HECW1: variants seen among roughly 807,000 people sequenced by gnomAD.
The protein encoded by HECW1 is HECT, C2 and WW domain containing E3 ubiquitin protein ligase 1.
Under a neutral mutation model 182.3 loss-of-function variants are expected in HECW1, and 61 were observed. The observed-to-expected ratio is 0.33, with a 90% CI of 0.27 to 0.41. The LOEUF (loss-of-function observed/expected upper bound fraction) is 0.41. Ranked by LOEUF, HECW1 falls within the 10% of genes least tolerant of loss-of-function variation. The pLI is 1.00. For missense variants in HECW1, 1,739 were observed against 2,108.9 expected (o/e 0.82, Z 3.44); for synonymous variants, 859 against 832.6 (o/e 1.03, Z -0.55).
chr7:43,424,734 A>G (rs1321915758), intron 8 of HECW1, among the ~76,000 whole-genome samples: 1 of 152,206 alleles, frequency 6.6e-6, no homozygotes, highest in Non-Finnish European at 1.5e-5. Flanking sequence ...ATTACTTTAA[A>G]TTGCAATTTT....
chr7:43,373,780 C>T (rs1010740116), intron 6 of HECW1, among the ~76,000 whole-genome samples: 3 of 152,180 alleles, frequency 2.0e-5, no homozygotes, highest in Non-Finnish European at 4.4e-5. Flanking sequence ...CCCCACTAAA[C>T]ACCAGCTCCT....
chr7:43,120,646 A>ATTTG (rs1018020414), intron 2 of HECW1, among the ~76,000 whole-genome samples: 3 of 151,620 alleles, frequency 2.0e-5, no homozygotes, highest in African/African-American at 4.8e-5. Flanking sequence ...TTATTTATTT[A>ATTTG]TTTGTTTTAT....
At chr7:43,329,029 A>C (rs1324240938) in intron 5 of HECW1, among the ~76,000 whole-genome samples, 2 of 152,140 alleles carry the variant, frequency 1.3e-5, no homozygotes, top group Non-Finnish European at 2.9e-5. Context: ...CTGGCATTAC[A>C]CTGGGGAGAC....
In HECW1 at chr7:43,135,682, A is replaced by G. The variant is rs1787447611; in HGVS notation, c.-32+21291A>G. Among the ~76,000 whole-genome samples, 3 of 152,064 alleles carry G rather than the reference A, an allele frequency of 2.0e-5. No individual in the cohort carries two copies. In the East Asian group the frequency reaches 5.8e-4, roughly 29 times the overall value. The stretch of plus-strand genomic sequence containing the variant: ...GCTTTTTCCTTTGACCCATTCTTTC[A>G]TATTCTTAAAGAGGTTTTTATTCCT... On this transcript the variant is annotated intron_variant, in intron 2 of 29. Transcript: ENST00000395891.
intron 2 of HECW1, among the ~76,000 whole-genome samples, chr7:43,197,437 C>T (rs1400361605): frequency 6.6e-6 from 1 of 152,192 alleles, no homozygotes. Flanking sequence ...TGATTAGCCC[C>T]CTGCAAAGCG....
intron 24 of HECW1, among the ~76,000 whole-genome samples, chr7:43,524,582 T>A (rs1197399791): frequency 6.6e-6 from 1 of 152,252 alleles, no homozygotes; most frequent in African/African-American, 2.4e-5. Context: ...CCTATTAACA[T>A]TAAATTACTC....
chr7:43,362,933 G>A (rs1816151405), intron 6 of HECW1, among the ~76,000 whole-genome samples: 1 of 152,226 alleles, frequency 6.6e-6, no homozygotes, highest in Non-Finnish European at 1.5e-5. Flanking sequence ...GTAGGGGAGA[G>A]GAGTTCCTCA....
At chr7:43,291,220 C>T (rs116492297) in intron 3 of HECW1, among the ~76,000 whole-genome samples, 1,760 of 152,298 alleles carry the variant, frequency 0.012, 28 homozygotes, top group African/African-American at 0.033. Flanking sequence ...AGTCTTGCTA[C>T]GAGAGTACAC....
At chr7:43,282,413 C>T (rs1209627526) in intron 3 of HECW1, among the ~76,000 whole-genome samples, 1 of 152,236 alleles carries the variant, frequency 6.6e-6, no homozygotes, top group Non-Finnish European at 1.5e-5. Flanking sequence ...TCAGATCTGC[C>T]TTCTGTAAAG....
chr7:43,472,823 C>T (rs1216982259), intron 16 of HECW1, among the ~76,000 whole-genome samples: 1 of 152,078 alleles, frequency 6.6e-6, no homozygotes, highest in Non-Finnish European at 1.5e-5. Context: ...ATCAGACAAG[C>T]TTCAAATTTC....
intron 2 of HECW1, among the ~76,000 whole-genome samples, chr7:43,116,951 T>G (rs928303138): frequency 1.3e-5 from 2 of 152,206 alleles, no homozygotes; most frequent in Non-Finnish European, 2.9e-5. Context: ...TAGAAATAAT[T>G]TAATTTGGCA....
At chr7:43,261,878 A>G (rs1242978862) in intron 3 of HECW1, among the ~76,000 whole-genome samples, 1 of 150,596 alleles carries the variant, frequency 6.6e-6, no homozygotes, top group Non-Finnish European at 1.5e-5. Context: ...TATTTTTTTT[A>G]ATTTTTCAGT....
chr7:43,274,606 T>A, intron 3 of HECW1: 2 of 406,590 alleles, frequency 4.9e-6, no homozygotes, highest in Non-Finnish European at 9.3e-6. Context: ...GCCCCGGGTG[T>A]GCCCCAAATA....
Position 43,312,144 on chromosome 7 carries a change from A to T in HECW1, c.352+57A>T. On this transcript the variant is annotated intron_variant, in intron 4 of 29. Coordinates refer to ENST00000395891, the MANE Select transcript of HECW1 (RefSeq NM_015052.5). The stretch of plus-strand genomic sequence containing the variant: ...AATTCACTTTTACATATGCTGTCAC[A>T]TTTTAATAAACTCTACAATATAATT... 5 of 1,414,326 alleles carry T rather than the reference A, an allele frequency of 3.5e-6. No homozygotes were observed. In the South Asian group the frequency reaches 6.2e-5, roughly 18 times the overall value. The allele number at this position is 1,414,326 out of a possible 1,614,324, so 87.6% of individuals were successfully genotyped here. A position where few individuals can be genotyped will look rare whatever the true frequency, so the allele number is the denominator to read the frequency against.
At chr7:43,361,391 A>T (rs1410188726) in intron 6 of HECW1, among the ~76,000 whole-genome samples, 1 of 152,182 alleles carries the variant, frequency 6.6e-6, no homozygotes, top group Non-Finnish European at 1.5e-5. Context: ...AAATAAATTA[A>T]TGGAGTAGGA....
chr7:43,327,473 A>T (rs916840443), intron 5 of HECW1, among the ~76,000 whole-genome samples: 5 of 152,130 alleles, frequency 3.3e-5, no homozygotes, highest in Admixed American at 2.6e-4. Context: ...ATTTTAGGAA[A>T]ATAATATAGA....
intron 5 of HECW1, among the ~76,000 whole-genome samples, chr7:43,345,722 A>T (rs1348840045): frequency 6.6e-6 from 1 of 152,110 alleles, no homozygotes. Context: ...TTAGAATAAT[A>T]GTCTCCAGCC....
At chr7:43,397,245 C>T (rs1354711971) in intron 7 of HECW1, among the ~76,000 whole-genome samples, 1 of 152,136 alleles carries the variant, frequency 6.6e-6, no homozygotes, top group African/African-American at 2.4e-5. Flanking sequence ...CAAAACCTCA[C>T]ATGGGGCACA....
chr7:43,277,945 TG>T (rs779079769), intron 3 of HECW1, among the ~76,000 whole-genome samples: 12 of 152,144 alleles, frequency 7.9e-5, no homozygotes, highest in Non-Finnish European at 1.2e-4. Flanking sequence ...TGCTCCTTCT[TG>T]GGCTCTTTCC....
Sources: gnomAD v4.1 joint callset for allele counts (sites outside exome capture counted in the v4.1 genomes callset) on GRCh38, gnomAD v4.1.1 for gene constraint, MANE v1.5 for transcripts, NCBI Gene and HGNC (gene_info 2026-07-23, HGNC 2026-07-21) for gene names.